The following PIK3AP1 variants were observed in gnomAD, a reference collection of about 807,000 sequenced individuals.
The protein encoded by PIK3AP1 is phosphoinositide-3-kinase adaptor protein 1.
Under a neutral mutation model 88.1 loss-of-function variants are expected in PIK3AP1, and 21 were observed. The ratio of observed to expected loss-of-function variants is 0.24; its 90% CI spans 0.17 to 0.34. The LOEUF is 0.34. Ranked by LOEUF, PIK3AP1 falls within the 10% of genes least tolerant of loss-of-function variation. PIK3AP1 has a pLI of 1.00. For missense variants in PIK3AP1, 828 were observed against 1,035.7 expected, an observed-to-expected ratio of 0.80 and a Z score of 2.75; for synonymous variants, 398 against 400.0, an observed-to-expected ratio of 1.00 and a Z score of 0.06.
chr10:96,651,293 G>A lies in PIK3AP1; in HGVS notation c.943C>T (p.His315Tyr). Residue 315 changes from histidine (H) to tyrosine (Y), a missense_variant, in exon 6 of 17, where the codon CAC becomes TAC. His to Tyr is a moderately conservative substitution (Grantham distance 83, BLOSUM62 2). Coordinates refer to ENST00000339364, the MANE Select transcript of PIK3AP1 (RefSeq NM_152309.3). ...LKNNIPASGL[H>Y]LFGINQLEEE... The stretch of plus-strand genomic sequence containing the variant: ...TCCAGCTGGTTGATTCCAAAGAGGT[G>A]CAGTCCGCTTGCAGGGATATTGTTC... 2 of 1,614,204 alleles carry A rather than the reference G, an allele frequency of 1.2e-6. No individual in the cohort carries two copies. Among genetic ancestry groups the A allele is most frequent in the East Asian group, 4.5e-5 (2 of 44,890 alleles).
intron 13 of PIK3AP1, 91 bp from the exon 14 acceptor site, chr10:96,609,958 A>T (rs1170897699): frequency 6.9e-7 from 1 of 1,454,890 alleles, no homozygotes; most frequent in Non-Finnish European, 9.6e-7. Flanking sequence ...TGCCTCTCTC[A>T]CAGGAGCCTG....
chr10:96,631,393 A>G (rs1843242624), intron 8 of PIK3AP1, among the ~76,000 whole-genome samples: 1 of 152,226 alleles, frequency 6.6e-6, no homozygotes, highest in South Asian at 2.1e-4. Flanking sequence ...GTTGATTTGC[A>G]TGTCGGAGAG....
intron 2 of PIK3AP1, among the ~76,000 whole-genome samples, chr10:96,664,250 G>A (rs564399924): frequency 5.3e-5 from 8 of 152,278 alleles, no homozygotes; most frequent in Admixed American, 1.3e-4. Context: ...AAAAGCTTAC[G>A]GCATGCGAAG....
intron 8 of PIK3AP1, among the ~76,000 whole-genome samples, chr10:96,637,518 T>A (rs1005889577): frequency 1.3e-5 from 2 of 151,914 alleles, no homozygotes; most frequent in East Asian, 1.9e-4. Flanking sequence ...CTGGCTAATT[T>A]AAAAAAAATT....
At chr10:96,603,381 A>G (rs1848937427) in intron 15 of PIK3AP1, among the ~76,000 whole-genome samples, 2 of 152,172 alleles carry the variant, frequency 1.3e-5, no homozygotes, top group Admixed American at 1.3e-4. Context: ...GGTGTTGCCA[A>G]AGGAGATTAA....
intron 14 of PIK3AP1, among the ~76,000 whole-genome samples, chr10:96,607,246 C>T (rs1044274886): frequency 6.6e-6 from 1 of 152,194 alleles, no homozygotes; most frequent in African/African-American, 2.4e-5. Context: ...TACACCCCCA[C>T]AGCTGAAAGC....
chr10:96,661,912 C>T (rs1268484300), intron 2 of PIK3AP1, among the ~76,000 whole-genome samples: 1 of 151,958 alleles, frequency 6.6e-6, no homozygotes. Flanking sequence ...CTTCCTAATT[C>T]TTATAACTCC....
At chr10:96,682,197 G>C (rs974784782) in intron 2 of PIK3AP1, among the ~76,000 whole-genome samples, 1 of 152,090 alleles carries the variant, frequency 6.6e-6, no homozygotes, top group African/African-American at 2.4e-5. Context: ...TTAACTTAAG[G>C]GGCAAAGCCT....
rs186550489 is a variant in PIK3AP1 at position 96,699,152 on chromosome 10, C to T, written c.430+10415G>A. On this transcript the variant is annotated intron_variant, in intron 2 of 16. Coordinates refer to ENST00000339364, the MANE Select transcript of PIK3AP1 (RefSeq NM_152309.3). ...TCAGCCGAGATGGTGCCACTGCACT[C>T]CAGCCTGGGAAACAAGGGCAAAACT... is the stretch of plus-strand genomic sequence containing the variant. Among the ~76,000 whole-genome samples the T allele has an allele frequency of 3.6e-3, 543 of 152,220 alleles. 2 individuals carry two copies. Among genetic ancestry groups the T allele is most frequent in the Middle Eastern group, 0.01 (3 of 294 alleles).
intron 2 of PIK3AP1, among the ~76,000 whole-genome samples, chr10:96,695,081 T>C (rs1197628916): frequency 6.6e-6 from 1 of 152,226 alleles, no homozygotes; most frequent in African/African-American, 2.4e-5. Flanking sequence ...ATTTCAGCAT[T>C]ACATTTTTCC....
chr10:96,629,930 A>AAAAAAAAAAAAGAAG (rs776780994), intron 8 of PIK3AP1, among the ~76,000 whole-genome samples: 5 of 13,724 alleles, frequency 3.6e-4, no homozygotes, highest in African/African-American at 5.5e-4. Context: ...AAAAAAAAAA[A>AAAAAAAAAAAAGAAG]AAGAAGAAGA....
In PIK3AP1 at chr10:96,604,043, G is replaced by C. The variant is rs113976248; in HGVS notation, c.2177C>G (p.Thr726Arg). ...TDSTSSTASS[T>R]SNRSSTRSLL... is the part of the protein sequence containing the mutation. The stretch of plus-strand genomic sequence containing the variant: ...GCTCCGGGTGCTGGAGCGGTTACTT[G>C]TGCTACCTAAAGGGTAGAAAGAAAA... Residue 726 changes from threonine (T) to arginine (R), a missense_variant, in exon 15 of 17, where the codon ACA becomes AGA. Transcript: ENST00000339364. 5 of 1,599,562 alleles carry C rather than the reference G, an allele frequency of 3.1e-6. No homozygotes were observed. In the Admixed American group the frequency reaches 5.1e-5, roughly 16 times the overall value.
chr10:96,706,726 C>T (rs1307988827), intron 2 of PIK3AP1, among the ~76,000 whole-genome samples: 1 of 152,150 alleles, frequency 6.6e-6, no homozygotes, highest in Admixed American at 6.5e-5. Context: ...CTGGTCAATG[C>T]TCTTTTTTCT....
intron 1 of PIK3AP1, among the ~76,000 whole-genome samples, chr10:96,716,029 C>A (rs987212650): frequency 6.6e-6 from 1 of 152,120 alleles, no homozygotes; most frequent in Non-Finnish European, 1.5e-5. Flanking sequence ...ATCTGTAATA[C>A]CAGCACTTTG....
chr10:96,709,423 A>G, intron 2 of PIK3AP1, 144 bp downstream of exon 2: 1 of 1,008,618 alleles, frequency 9.9e-7, no homozygotes, highest in Non-Finnish European at 1.5e-6. Flanking sequence ...ATCCCACCCC[A>G]GAAATAGGCT....
intron 2 of PIK3AP1, among the ~76,000 whole-genome samples, chr10:96,679,436 G>C (rs1482113898): frequency 6.6e-6 from 1 of 151,994 alleles, no homozygotes; most frequent in Non-Finnish European, 1.5e-5. Flanking sequence ...GCTGAGGCAG[G>C]AGAATCTCTT....
chr10:96,655,957 T>G (rs1031940393), intron 3 of PIK3AP1, among the ~76,000 whole-genome samples: 2 of 152,200 alleles, frequency 1.3e-5, no homozygotes, highest in Non-Finnish European at 2.9e-5. Flanking sequence ...AAAGAAACAG[T>G]TGGCAACCCC....
intron 2 of PIK3AP1, among the ~76,000 whole-genome samples, chr10:96,674,730 G>T (rs1231155199): frequency 6.6e-6 from 1 of 152,246 alleles, no homozygotes; most frequent in African/African-American, 2.4e-5. Context: ...GTGCCTGGAG[G>T]CTTTTAGTGT....
At chr10:96,669,242 G>A (rs1843808332) in intron 2 of PIK3AP1, among the ~76,000 whole-genome samples, 1 of 152,196 alleles carries the variant, frequency 6.6e-6, no homozygotes, top group East Asian at 1.9e-4. Context: ...TTTCTCAGCT[G>A]TTACGATGTT....
Sources: gnomAD v4.1 joint callset for allele counts (sites outside exome capture counted in the v4.1 genomes callset) on GRCh38, gnomAD v4.1.1 for gene constraint, MANE v1.5 for transcripts, NCBI Gene and HGNC (gene_info 2026-07-23, HGNC 2026-07-21) for gene names.